The following COL28A1 variants were observed in gnomAD, a reference collection of about 807,000 sequenced individuals.
COL28A1 encodes the protein collagen alpha-1(XXVIII) chain.
In COL28A1, 161 loss-of-function variants were observed where a neutral mutation model predicts 150.2. The observed-to-expected ratio is 1.07, with a 90% CI of 0.94 to 1.22. COL28A1 has a LOEUF of 1.22. Ranked by LOEUF, COL28A1 falls within the 50% of genes most tolerant of loss-of-function variation. COL28A1 has a pLI of 0.00. For missense variants in COL28A1, 1,617 were observed against 1,388.3 expected, an observed-to-expected ratio of 1.16 and a Z score of -2.62; for synonymous variants, 552 against 469.7, an observed-to-expected ratio of 1.18 and a Z score of -2.26.
rs1781620686 is a variant in COL28A1, at chr7:7,519,923, T to C, written c.813+139A>G. The C allele has an allele frequency of 7.5e-6, 4 of 533,518 alleles. No individual in the cohort carries two copies. In the South Asian group the frequency reaches 1.0e-4, roughly 14 times the overall value. 33.0% of individuals were successfully genotyped at this position (533,518 alleles called of 1,614,324 possible). ...GAAATAAGATAGATAATATAGGAAG[T>C]GGAAATCCTGTATTCTTCACAAAAG... On this transcript the variant is annotated intron_variant, in intron 6 of 34. Transcript: ENST00000399429.
intron 11 of COL28A1, among the ~76,000 whole-genome samples, chr7:7,493,073 C>A (rs1780014750): frequency 1.4e-5 from 2 of 139,990 alleles, no homozygotes; most frequent in African/African-American, 2.6e-5. Flanking sequence ...TATATATATA[C>A]CATTAAAAAT....
chr7:7,465,360 TC>T, intron 15 of COL28A1, among the ~76,000 whole-genome samples: 1 of 140,822 alleles, frequency 7.1e-6, no homozygotes, highest in Admixed American at 7.1e-5. Flanking sequence ...ACCTGGAAAA[TC>T]GGGTCACTCC....
intron 21 of COL28A1, among the ~76,000 whole-genome samples, chr7:7,438,944 C>T (rs1187624756): frequency 1.3e-5 from 2 of 152,162 alleles, no homozygotes; most frequent in African/African-American, 2.4e-5. Flanking sequence ...AAAATATTTA[C>T]TATCTGGACC....
chr7:7,400,978 GTGTGT>G (rs1562554213), intron 27 of COL28A1, among the ~76,000 whole-genome samples: 2,063 of 81,270 alleles, frequency 0.025, 54 homozygotes, highest in African/African-American at 0.074. Context: ...GTATTTGGGT[GTGTGT>G]GTGTGTGTGT....
intron 11 of COL28A1, among the ~76,000 whole-genome samples, chr7:7,500,347 T>C (rs10952059): frequency 0.99 from 150,225 of 152,354 alleles, 74,067 homozygotes; most frequent in East Asian, 1. Flanking sequence ...TGTTGCTTCA[T>C]GTAACTGTGT....
intron 11 of COL28A1, among the ~76,000 whole-genome samples, chr7:7,492,967 T>C (rs987350180): frequency 1.3e-5 from 2 of 148,688 alleles, no homozygotes; most frequent in Non-Finnish European, 3.0e-5. Flanking sequence ...TTACATAATA[T>C]ATGTAACATT....
At chr7:7,525,524 G>C (rs375738243) in intron 3 of COL28A1, among the ~76,000 whole-genome samples, 1 of 152,000 alleles carries the variant, frequency 6.6e-6, no homozygotes, top group Non-Finnish European at 1.5e-5. Flanking sequence ...CATCTGAAGG[G>C]GTAATTTACA....
chr7:7,408,726 T>C (rs1357941872), intron 27 of COL28A1, among the ~76,000 whole-genome samples: 1 of 152,126 alleles, frequency 6.6e-6, no homozygotes. Flanking sequence ...TGAAGAACTG[T>C]ACTTAGGGAA....
intron 15 of COL28A1, among the ~76,000 whole-genome samples, chr7:7,472,776 C>T (rs981016897): frequency 1.1e-4 from 16 of 152,166 alleles, no homozygotes; most frequent in Non-Finnish European, 2.2e-4. Flanking sequence ...TCAAACTACA[C>T]TATAAGGCCA....
chr7:7,457,470 T>A (rs1407563931), intron 15 of COL28A1, among the ~76,000 whole-genome samples: 3 of 152,066 alleles, frequency 2.0e-5, no homozygotes, highest in Admixed American at 6.6e-5. Context: ...GAGGGTGATA[T>A]CAGGAGTTCA....
At chr7:7,459,016 A>T (rs746623215) in intron 15 of COL28A1, among the ~76,000 whole-genome samples, 1 of 152,236 alleles carries the variant, frequency 6.6e-6, no homozygotes, top group Non-Finnish European at 1.5e-5. Flanking sequence ...ACAAACATCA[A>T]GCCCTCTGAA....
intron 3 of COL28A1, among the ~76,000 whole-genome samples, chr7:7,526,255 T>C (rs1036642856): frequency 6.6e-6 from 1 of 152,216 alleles, no homozygotes; most frequent in African/African-American, 2.4e-5. Context: ...CATTGTTTTT[T>C]GTAATGAAAA....
chr7:7,362,744 CCT>C (rs1174183731), intron 33 of COL28A1, among the ~76,000 whole-genome samples: 2 of 152,154 alleles, frequency 1.3e-5, no homozygotes. Flanking sequence ...ACTTGAGGTT[CCT>C]CTTTCTTTCA....
chr7:7,425,496 C>CT (rs1784604775), intron 25 of COL28A1, among the ~76,000 whole-genome samples: 1 of 152,226 alleles, frequency 6.6e-6, no homozygotes, highest in Non-Finnish European at 1.5e-5. Flanking sequence ...ATCCAGCCCT[C>CT]TAAGTCTTCC....
At chr7:7,443,197 T>C (rs1785947757) in intron 20 of COL28A1, among the ~76,000 whole-genome samples, 1 of 152,194 alleles carries the variant, frequency 6.6e-6, no homozygotes, top group Non-Finnish European at 1.5e-5. Context: ...TTATGCCAAG[T>C]TGTGAAGTGA....
intron 25 of COL28A1, among the ~76,000 whole-genome samples, chr7:7,426,510 C>T (rs558456520): frequency 6.6e-6 from 1 of 152,254 alleles, no homozygotes; most frequent in South Asian, 2.1e-4. Flanking sequence ...CAATGACACC[C>T]TTTAATATGA....
chr7:7,340,551 G>A, the COL28A1 span, among the ~76,000 whole-genome samples: 3 of 151,992 alleles, frequency 2.0e-5, no homozygotes, highest in African/African-American at 4.8e-5. Context: ...GGAATGATGC[G>A]GCCGTAGGCA....
chr7:7,479,824 T>A (rs1379142512), intron 13 of COL28A1, among the ~76,000 whole-genome samples: 2 of 152,152 alleles, frequency 1.3e-5, no homozygotes, highest in Non-Finnish European at 2.9e-5. Flanking sequence ...AGAGTAATAG[T>A]GAGGTTTTCA....
intron 19 of COL28A1, 48 bp from the exon 20 acceptor site, chr7:7,443,701 CTG>C (rs1272536167): frequency 6.2e-7 from 1 of 1,608,620 alleles, no homozygotes. Context: ...AGTAGACAGA[CTG>C]TACGTATCAT....
Sources: gnomAD v4.1 joint callset for allele counts (sites outside exome capture counted in the v4.1 genomes callset) on GRCh38, gnomAD v4.1.1 for gene constraint, MANE v1.5 for transcripts, NCBI Gene and HGNC (gene_info 2026-07-23, HGNC 2026-07-21) for gene names.